The following COG5 variants were observed in gnomAD, a reference collection of about 807,000 sequenced individuals.
COG5 encodes the protein conserved oligomeric Golgi complex subunit 5.
A neutral mutation model predicts 110.4 loss-of-function variants in COG5; 86 were observed. The ratio of observed to expected loss-of-function variants is 0.78; its 90% confidence interval spans 0.65 to 0.93. The LOEUF is 0.93. COG5 is among the 40% of genes least tolerant of loss of function. The probability of loss-of-function intolerance (pLI) is 0.00; values close to 1 mark genes in which losing one functional copy is unlikely to be tolerated. For synonymous variants in COG5, 360 were observed against 334.6 expected, an observed-to-expected ratio of 1.08 and a Z score of -0.83; for missense variants, 1,077 against 987.0, an observed-to-expected ratio of 1.09 and a Z score of -1.22.
chr7:107,383,022 G>C (rs764490439), intron 7 of COG5, among the ~76,000 whole-genome samples: 2 of 152,088 alleles, frequency 1.3e-5, no homozygotes, highest in Admixed American at 6.5e-5. Context: ...AATCCTGCCA[G>C]GTGATGGGAA....
chr7:107,293,371 A>C lies in COG5; in HGVS notation c.1313+4771T>G, dbSNP rs1021501560. On this transcript the variant is annotated intron_variant, in intron 12 of 21. Transcript: ENST00000297135. ...TCCCAGGAAGAGAGCCTTCCAGCTG[A>C]GAGCTAGGAGGGAGCCCTGTGTTCT... Among the ~76,000 whole-genome samples, 6 of 152,208 alleles carry C rather than the reference A, an allele frequency of 3.9e-5. No homozygotes were observed. In the South Asian group the frequency reaches 1.2e-3, roughly 32 times the overall value.
chr7:107,472,978 A>G (rs1796728105), intron 6 of COG5: 1 of 151,838 alleles, frequency 6.6e-6, no homozygotes, highest in Non-Finnish European at 1.5e-5. Flanking sequence ...AAACCCCTAT[A>G]TATTAAAATA....
chr7:107,367,467 T>G (rs558248479), intron 8 of COG5, among the ~76,000 whole-genome samples: 2 of 151,998 alleles, frequency 1.3e-5, no homozygotes, highest in Non-Finnish European at 2.9e-5. Context: ...GACACCTACA[T>G]GTGTATGTAT....
Position 107,527,230 on chromosome 7 carries a change from AAC to A in COG5, c.538+5_538+6del, listed in dbSNP as rs1224864123. 6.5e-7 allele frequency: 1 copy of A among 1,539,396 alleles called. No individual in the cohort carries two copies. The highest frequency in any genetic ancestry group is 8.7e-7 in the Non-Finnish European group (1 of 1,143,730). ...AACTTTTTATTTAAAAAAAAAAAAAAACTTACCAAGTTCATTGAGACTCTGAG... is the reference window on the plus strand; with the variant it reads ...AACTTTTTATTTAAAAAAAAAAAAAATTACCAAGTTCATTGAGACTCTGAG... On this transcript the variant is annotated splice_donor_5th_base_variant and intron_variant, in intron 6 of 21. Coordinates refer to ENST00000297135, the MANE Select transcript of COG5 (RefSeq NM_006348.5).
intron 6 of COG5, among the ~76,000 whole-genome samples, chr7:107,467,360 ATTATTT>A (rs1240527513): frequency 2.0e-5 from 3 of 152,036 alleles, no homozygotes; most frequent in Non-Finnish European, 4.4e-5. Flanking sequence ...TGAAATTATT[ATTATTT>A]TTTTTTTGAG....
At chr7:107,225,212 T>C (rs1420430051) in intron 19 of COG5, among the ~76,000 whole-genome samples, 2 of 152,230 alleles carry the variant, frequency 1.3e-5, no homozygotes, top group Non-Finnish European at 2.9e-5. Context: ...TATTGCAACC[T>C]ACTGGCTTTT....
At chr7:107,320,117 G>T (rs1809128300) in intron 11 of COG5, among the ~76,000 whole-genome samples, 1 of 152,162 alleles carries the variant, frequency 6.6e-6, no homozygotes, top group African/African-American at 2.4e-5. Flanking sequence ...TAAGGAGAAT[G>T]AGGTGGCAAG....
At chr7:107,425,131 A>C (rs553670331) in intron 6 of COG5, among the ~76,000 whole-genome samples, 1 of 152,270 alleles carries the variant, frequency 6.6e-6, no homozygotes, top group East Asian at 1.9e-4. Context: ...TTTTCAAAAG[A>C]TCCAGTAAGA....
At chr7:107,557,061 G>A (rs1032206391) in intron 2 of COG5, among the ~76,000 whole-genome samples, 2 of 152,104 alleles carry the variant, frequency 1.3e-5, no homozygotes, top group Non-Finnish European at 2.9e-5. Flanking sequence ...AAGCCACTGC[G>A]CCCGGCCTAA....
At chr7:107,419,768 A>T (rs964599794) in intron 6 of COG5, among the ~76,000 whole-genome samples, 2 of 152,110 alleles carry the variant, frequency 1.3e-5, no homozygotes, top group Non-Finnish European at 2.9e-5. Flanking sequence ...GGGTTTCACC[A>T]TTTTGGCCAG....
At chr7:107,400,441 A>T (rs1270824295) in intron 7 of COG5, among the ~76,000 whole-genome samples, 2 of 152,118 alleles carry the variant, frequency 1.3e-5, no homozygotes, top group Non-Finnish European at 2.9e-5. Flanking sequence ...CCAGCACAAG[A>T]GTGTTTAAAT....
At chr7:107,498,857 A>G (rs1283812202) in intron 6 of COG5, among the ~76,000 whole-genome samples, 2 of 152,194 alleles carry the variant, frequency 1.3e-5, no homozygotes, top group Non-Finnish European at 2.9e-5. Context: ...TGTTCACAGC[A>G]GCACTATTTA....
intron 8 of COG5, 40 bp from the exon 9 acceptor site, chr7:107,362,460 T>C (rs537569049): frequency 1.5e-6 from 2 of 1,300,756 alleles, no homozygotes; most frequent in African/African-American, 2.9e-5. Context: ...AATAAAGTTT[T>C]CCAAAGGCAA....
chr7:107,259,631 C>T (rs1214343575), intron 14 of COG5, among the ~76,000 whole-genome samples: 1 of 152,040 alleles, frequency 6.6e-6, no homozygotes, highest in Non-Finnish European at 1.5e-5. Flanking sequence ...CTATAATGGG[C>T]ATTTAAAAGT....
intron 5 of COG5, among the ~76,000 whole-genome samples, chr7:107,532,657 A>G (rs1801298487): frequency 6.6e-6 from 1 of 152,154 alleles, no homozygotes; most frequent in Non-Finnish European, 1.5e-5. Context: ...CATCTATATA[A>G]ATATAAACAG....
intron 11 of COG5, among the ~76,000 whole-genome samples, chr7:107,302,368 G>A (rs1182835549): frequency 6.6e-6 from 1 of 152,160 alleles, no homozygotes; most frequent in African/African-American, 2.4e-5. Context: ...GCCTGGGAAT[G>A]GGGGAGGGAG....
intron 6 of COG5, among the ~76,000 whole-genome samples, chr7:107,493,818 T>C (rs896838382): frequency 7.2e-5 from 11 of 152,192 alleles, no homozygotes; most frequent in African/African-American, 2.7e-4. Flanking sequence ...GTGTTGCTAC[T>C]TTGAATTAGT....
intron 5 of COG5, among the ~76,000 whole-genome samples, chr7:107,539,405 T>C (rs1801818417): frequency 1.3e-5 from 2 of 152,212 alleles, no homozygotes; most frequent in African/African-American, 2.4e-5. Context: ...TGCTACAATA[T>C]GGATGAACCT....
In COG5 at chr7:107,506,244, G is replaced by C. The variant is rs115484533; in HGVS notation, c.538+20993C>G. ...CAGCCAGGAAATGATGTGTGCAAAA[G>C]AGCACCAGCTGCAGTAGTTAACAGT... On this transcript the variant is annotated intron_variant, in intron 6 of 21. Transcript: ENST00000297135. Among the ~76,000 whole-genome samples, 293 of 152,296 alleles carry C rather than the reference G, an allele frequency of 1.9e-3. 2 individuals are homozygous for C. Among genetic ancestry groups the C allele is most frequent in the African/African-American group, 6.6e-3 (275 of 41,560 alleles).
Sources: gnomAD v4.1 joint callset for allele counts (sites outside exome capture counted in the v4.1 genomes callset) on GRCh38, gnomAD v4.1.1 for gene constraint, MANE v1.5 for transcripts, NCBI Gene and HGNC (gene_info 2026-07-23, HGNC 2026-07-21) for gene names.